The following CACNB4 variants were observed in gnomAD, a reference collection of about 807,000 sequenced individuals.
CACNB4 encodes voltage-dependent L-type calcium channel subunit beta-4.
Under a neutral mutation model 71.2 loss-of-function variants are expected in CACNB4, and 32 were observed. The ratio of observed to expected loss-of-function variants is 0.45; its 90% confidence interval spans 0.34 to 0.60. The LOEUF (loss-of-function observed/expected upper bound fraction) is 0.60. CACNB4 is among the 20% of genes least tolerant of loss of function. The pLI is 0.01. For missense variants in CACNB4, 464 were observed against 647.9 expected, an observed-to-expected ratio of 0.72 and a Z score of 3.08; for synonymous variants, 231 against 236.9, an observed-to-expected ratio of 0.97 and a Z score of 0.23.
At chr2:152,079,289 C>T (rs1687212845) in intron 2 of CACNB4, among the ~76,000 whole-genome samples, 3 of 151,996 alleles carry the variant, frequency 2.0e-5, no homozygotes, top group Non-Finnish European at 2.9e-5. Flanking sequence ...GGGGTTTCAC[C>T]GTGTTAGCCA....
chr2:152,002,169 C>T (rs987977302), intron 2 of CACNB4, among the ~76,000 whole-genome samples: 1 of 152,190 alleles, frequency 6.6e-6, no homozygotes, highest in Non-Finnish European at 1.5e-5. Context: ...AAAGCCATCT[C>T]AGAGTTTCAG....
intron 2 of CACNB4, among the ~76,000 whole-genome samples, chr2:151,949,624 C>A (rs1415390595): frequency 2.0e-5 from 3 of 152,092 alleles, no homozygotes; most frequent in Non-Finnish European, 4.4e-5. Context: ...AGGCTGAGGT[C>A]CTAGCAAGGG....
At chr2:152,092,506 G>A (rs1008629568) in intron 2 of CACNB4, among the ~76,000 whole-genome samples, 2 of 152,042 alleles carry the variant, frequency 1.3e-5, no homozygotes, top group Non-Finnish European at 2.9e-5. Context: ...TAAAAAATAC[G>A]AGGTTCCTTG....
At chr2:152,043,762 G>A (rs1579190134) in intron 2 of CACNB4, among the ~76,000 whole-genome samples, 2 of 152,090 alleles carry the variant, frequency 1.3e-5, no homozygotes, top group African/African-American at 4.8e-5. Context: ...TATTTCTTTT[G>A]TTAAATAAAT....
intron 2 of CACNB4, chr2:151,968,601 C>T (rs2099871742): frequency 6.6e-6 from 1 of 152,064 alleles, no homozygotes; most frequent in African/African-American, 2.4e-5. Context: ...AAGCTGAACC[C>T]CACAGAAAGA....
At chr2:151,995,038 T>C (rs1681961595) in intron 2 of CACNB4, among the ~76,000 whole-genome samples, 1 of 152,140 alleles carries the variant, frequency 6.6e-6, no homozygotes, top group South Asian at 2.1e-4. Flanking sequence ...TTAAATAAAT[T>C]TGCAGAAACT....
At chr2:152,016,291 C>T (rs1483322406) in intron 2 of CACNB4, among the ~76,000 whole-genome samples, 4 of 152,144 alleles carry the variant, frequency 2.6e-5, no homozygotes, top group Admixed American at 6.5e-5. Context: ...ATACTTTGTA[C>T]AAACTATATG....
At chr2:151,870,024 A>G (rs915587305) in intron 8 of CACNB4, 20 of 562,462 alleles carry the variant, frequency 3.6e-5, no homozygotes, top group African/African-American at 3.4e-4. Context: ...AAAGTTCACT[A>G]ATGTTTTTAG....
chr2:152,060,094 T>C (rs1249850619), intron 2 of CACNB4, among the ~76,000 whole-genome samples: 1 of 152,236 alleles, frequency 6.6e-6, no homozygotes, highest in Non-Finnish European at 1.5e-5. Context: ...ACCTCTTTCC[T>C]TTATAAATTA....
chr2:151,930,356 G>C (rs80051879), intron 2 of CACNB4, among the ~76,000 whole-genome samples: 3,127 of 152,062 alleles, frequency 0.021, 41 homozygotes, highest in South Asian at 0.034. Context: ...GACTTAAAGG[G>C]TAAAAAAATT....
chr2:151,872,861 C>G, intron 5 of CACNB4: 1 of 164,180 alleles, frequency 6.1e-6, no homozygotes, highest in Non-Finnish European at 1.3e-5. Flanking sequence ...CTGGAGAAAC[C>G]ATTTCTTCTT....
intron 9 of CACNB4, chr2:151,861,286 TCAAAGA>T (rs1411345002): frequency 2.6e-5 from 4 of 156,752 alleles, no homozygotes; most frequent in Non-Finnish European, 4.2e-5. Context: ...ATTTTGATTA[TCAAAGA>T]CAATCTACCA....
At position 151,834,871 on chromosome 2, in the gene CACNB4, C is replaced by T. The variant is rs550714476; in HGVS notation, c.*4248G>A. On this transcript the variant is annotated 3_prime_UTR_variant, in exon 14 of 14. Transcript: ENST00000539935. The stretch of plus-strand genomic sequence containing the variant: ...ATTTCCTATAAATTTTTCATTCATA[C>T]AGTCATTCAAGGATGAGTTTTATAT... 1 of 151,852 alleles carries T rather than the reference C, an allele frequency of 6.6e-6. No homozygotes were observed. The highest frequency in any genetic ancestry group is 1.9e-4 in the East Asian group (1 of 5,184). The allele number at this position is 151,852 out of a possible 1,614,324, so 9.4% of individuals were successfully genotyped here.
chr2:151,921,599 C>G (rs147905656), intron 2 of CACNB4, among the ~76,000 whole-genome samples: 8 of 152,212 alleles, frequency 5.3e-5, no homozygotes, highest in Non-Finnish European at 1.0e-4. Context: ...CCTTTTCCAG[C>G]TTCTAAAGCC....
At chr2:152,079,564 T>A (rs930781184) in intron 2 of CACNB4, among the ~76,000 whole-genome samples, 4 of 151,928 alleles carry the variant, frequency 2.6e-5, no homozygotes, top group Admixed American at 6.6e-5. Context: ...GGCAGCGGGA[T>A]CACTTGAGTC....
At chr2:151,906,121 C>T (rs1360566981) in intron 2 of CACNB4, among the ~76,000 whole-genome samples, 1 of 152,162 alleles carries the variant, frequency 6.6e-6, no homozygotes, top group Non-Finnish European at 1.5e-5. Flanking sequence ...TAAAACTTGA[C>T]ATTTTTCTCC....
intron 12 of CACNB4, among the ~76,000 whole-genome samples, chr2:151,847,843 G>A (rs920800913): frequency 1.3e-5 from 2 of 152,082 alleles, no homozygotes; most frequent in East Asian, 1.9e-4. Context: ...CTCCGATCGC[G>A]CCACTGCACT....
chr2:152,015,376 C>A lies in CACNB4; in HGVS notation c.147+82954G>T, dbSNP rs568381214. Among the ~76,000 whole-genome samples the A allele has an allele frequency of 2.0e-5, 3 of 152,286 alleles. No individual in the cohort carries two copies. The South Asian group carries it at 6.2e-4, about 32-fold the overall frequency. On this transcript the variant is annotated intron_variant, in intron 2 of 13. Transcript: ENST00000539935. ...TCGAACTCCTGACCTCATGATCCAC[C>A]CACCTCAGCTTCCCAAAGTGCTGGG...
chr2:152,031,749 G>T (rs1216690915), intron 2 of CACNB4, among the ~76,000 whole-genome samples: 1 of 152,206 alleles, frequency 6.6e-6, no homozygotes, highest in Non-Finnish European at 1.5e-5. Flanking sequence ...GTCTCTGCTA[G>T]ACCCTGAAGA....
Sources: allele counts gnomAD v4.1 joint callset (sites outside exome capture counted in the v4.1 genomes callset), GRCh38; gene constraint gnomAD v4.1.1; transcripts MANE v1.5; gene names NCBI Gene and HGNC (gene_info 2026-07-23, HGNC 2026-07-21).